The following MACROD2 variants were observed in gnomAD, a reference collection of about 807,000 sequenced individuals.
MACROD2 encodes mono-ADP ribosylhydrolase 2.
A neutral mutation model predicts 70.4 loss-of-function variants in MACROD2; 36 were observed. The ratio of observed to expected loss-of-function variants is 0.51; its 90% confidence interval spans 0.39 to 0.68. The LOEUF (loss-of-function observed/expected upper bound fraction) is 0.68. MACROD2 is among the 30% of genes least tolerant of loss of function. The pLI is 0.00. For missense variants in MACROD2, 496 were observed against 538.4 expected (o/e 0.92, Z 0.78); for synonymous variants, 172 against 178.8 (o/e 0.96, Z 0.30).
chr20:15,732,746 T>A (rs1409614671), intron 8 of MACROD2, among the ~76,000 whole-genome samples: 1 of 130,614 alleles, frequency 7.7e-6, no homozygotes, highest in African/African-American at 2.9e-5. Context: ...TAAGAAATAG[T>A]GGTGTGTAGT....
intron 3 of MACROD2, among the ~76,000 whole-genome samples, chr20:14,339,926 G>A (rs1053697065): frequency 2.6e-5 from 4 of 152,118 alleles, no homozygotes; most frequent in African/African-American, 9.7e-5. Context: ...TGCATACATA[G>A]TTTTTCACTT....
intron 5 of MACROD2, among the ~76,000 whole-genome samples, chr20:14,960,245 A>G (rs1336397392): frequency 6.6e-6 from 1 of 151,976 alleles, no homozygotes; most frequent in African/African-American, 2.4e-5. Flanking sequence ...GCCAGTTCAC[A>G]CCCTTCATTA....
At chr20:14,146,825 G>A (rs1173856030) in intron 3 of MACROD2, among the ~76,000 whole-genome samples, 1 of 152,198 alleles carries the variant, frequency 6.6e-6, no homozygotes, top group Non-Finnish European at 1.5e-5. Context: ...GAGGTAGAGG[G>A]TCAAGTGGCT....
At chr20:14,776,369 T>G (rs1049159445) in intron 5 of MACROD2, among the ~76,000 whole-genome samples, 9 of 152,022 alleles carry the variant, frequency 5.9e-5, no homozygotes, top group African/African-American at 1.9e-4. Flanking sequence ...AAAATGAAAG[T>G]TATATTGTTC....
chr20:14,978,487 A>G (rs2074763503), intron 5 of MACROD2, among the ~76,000 whole-genome samples: 1 of 151,926 alleles, frequency 6.6e-6, no homozygotes, highest in Non-Finnish European at 1.5e-5. Context: ...AGTGTAATTA[A>G]ACCTTTTAAC....
intron 4 of MACROD2, among the ~76,000 whole-genome samples, chr20:14,605,547 A>C (rs759541151): frequency 6.6e-6 from 1 of 152,196 alleles, no homozygotes; most frequent in Non-Finnish European, 1.5e-5. Flanking sequence ...TTTTATGGGC[A>C]ACAAAGTTCA....
intron 8 of MACROD2, among the ~76,000 whole-genome samples, chr20:15,851,316 C>G (rs967722197): frequency 2.0e-5 from 3 of 151,768 alleles, no homozygotes; most frequent in Non-Finnish European, 2.9e-5. Flanking sequence ...CTCAGGCTGC[C>G]ATCATAAAGT....
intron 4 of MACROD2, among the ~76,000 whole-genome samples, chr20:14,638,641 G>T (rs1438507846): frequency 1.3e-5 from 2 of 152,098 alleles, no homozygotes; most frequent in African/African-American, 4.8e-5. Flanking sequence ...TTTACTCCAT[G>T]AGGTTGTTGT....
At chr20:14,207,223 G>A (rs1377224929) in intron 3 of MACROD2, among the ~76,000 whole-genome samples, 3 of 151,870 alleles carry the variant, frequency 2.0e-5, no homozygotes, top group African/African-American at 4.8e-5. Flanking sequence ...TTAGCCTCCC[G>A]AGTAGCTGGG....
At chr20:15,159,279 C>T (rs377708) in intron 5 of MACROD2, among the ~76,000 whole-genome samples, 89,585 of 151,828 alleles carry the variant, frequency 0.59, 26,549 homozygotes, top group East Asian at 0.65. Flanking sequence ...AAACTCTTCT[C>T]CCCTATTTTC....
intron 6 of MACROD2, among the ~76,000 whole-genome samples, chr20:15,287,028 TACA>T (rs1159034044): frequency 6.6e-6 from 1 of 152,198 alleles, no homozygotes. Context: ...GCCATATTCC[TACA>T]ACATGTTTGC....
intron 5 of MACROD2, among the ~76,000 whole-genome samples, chr20:14,962,149 C>A (rs2074589072): frequency 6.6e-6 from 1 of 152,072 alleles, no homozygotes; most frequent in South Asian, 2.1e-4. Flanking sequence ...AGCTAGTGAC[C>A]TTTTTGTTGT....
intron 5 of MACROD2, among the ~76,000 whole-genome samples, chr20:14,765,250 C>G (rs2072071065): frequency 6.6e-6 from 1 of 152,040 alleles, no homozygotes; most frequent in Non-Finnish European, 1.5e-5. Flanking sequence ...TCTCTTTCTC[C>G]CCTACACCCA....
intron 3 of MACROD2, among the ~76,000 whole-genome samples, chr20:14,114,823 G>A (rs2054495653): frequency 2.0e-5 from 3 of 152,108 alleles, no homozygotes; most frequent in Admixed American, 1.3e-4. Flanking sequence ...TCATTGATTG[G>A]ATATGTCAGG....
At chr20:14,179,303 A>C (rs1389543191) in intron 3 of MACROD2, among the ~76,000 whole-genome samples, 1 of 152,166 alleles carries the variant, frequency 6.6e-6, no homozygotes, top group East Asian at 1.9e-4. Context: ...TATTTCTGAG[A>C]TTTTCTTTGT....
intron 6 of MACROD2, among the ~76,000 whole-genome samples, chr20:15,334,794 G>T (rs192947897): frequency 3.0e-4 from 45 of 151,656 alleles, no homozygotes; most frequent in South Asian, 6.2e-4. Flanking sequence ...ATAAAACTTA[G>T]AAAATGTAAT....
At position 15,321,094 on chromosome 20, in the gene MACROD2, T is replaced by TTG. The variant is rs2077869869; in HGVS notation, c.540+91033_540+91034insTG. Among the ~76,000 whole-genome samples, 175 of 146,256 alleles carry TTG rather than the reference T, an allele frequency of 1.2e-3. 1 individual carries two copies. The highest frequency in any genetic ancestry group is 3.5e-3 in the Middle Eastern group (1 of 288). On this transcript the variant is annotated intron_variant, in intron 6 of 17. Coordinates refer to ENST00000684519, the MANE Select transcript of MACROD2 (RefSeq NM_001351661.2). ...CAGCTTCTGCAAAGTTGTTTCAAAA[T>TTG]GCATGCCATCCTGATGACAGGCCAC...
intron 5 of MACROD2, among the ~76,000 whole-genome samples, chr20:15,112,150 A>G (rs1047202509): frequency 6.6e-6 from 1 of 152,166 alleles, no homozygotes; most frequent in Non-Finnish European, 1.5e-5. Context: ...TAGTCTATTC[A>G]TTGTTGCAGA....
At chr20:14,425,425 C>T (rs1044510400) in intron 3 of MACROD2, among the ~76,000 whole-genome samples, 1 of 152,140 alleles carries the variant, frequency 6.6e-6, no homozygotes, top group Non-Finnish European at 1.5e-5. Flanking sequence ...CATTACTATA[C>T]GTATGAAAAG....
Sources: gnomAD v4.1 joint callset for allele counts (sites outside exome capture counted in the v4.1 genomes callset) on GRCh38, gnomAD v4.1.1 for gene constraint, MANE v1.5 for transcripts, NCBI Gene and HGNC (gene_info 2026-07-23, HGNC 2026-07-21) for gene names.